The following TARBP1 variants were observed in gnomAD, a reference collection of about 807,000 sequenced individuals.
TARBP1 encodes the protein tRNA (guanosine(18)-2'-O)-methyltransferase TARBP1.
In TARBP1, 144 loss-of-function variants were observed where a neutral mutation model predicts 178.6. That is an observed-to-expected ratio of 0.81 (90% CI 0.70 to 0.93). The LOEUF is 0.93. Among genes scored for constraint, TARBP1 ranks in the 40% least tolerant of loss-of-function variants. The pLI, the probability that TARBP1 is intolerant of heterozygous loss-of-function variation, is 0.00. For missense variants in TARBP1, 2,067 were observed against 2,011.7 expected, an observed-to-expected ratio of 1.03 and a Z score of -0.53; for synonymous variants, 787 against 781.0, an observed-to-expected ratio of 1.01 and a Z score of -0.13.
At chr1:234,396,424 C>G (rs1659940654) in intron 26 of TARBP1, among the ~76,000 whole-genome samples, 1 of 152,152 alleles carries the variant, frequency 6.6e-6, no homozygotes, top group South Asian at 2.1e-4. Context: ...GGTCTCTGCT[C>G]AATGTCAACT....
In TARBP1 at chr1:234,433,579, A is replaced by G; in HGVS notation, c.2233-8T>C. 6.2e-7 allele frequency: 1 copy of G among 1,607,130 alleles called. No individual in the cohort carries two copies. The highest frequency in any genetic ancestry group is 8.5e-7 in the Non-Finnish European group (1 of 1,178,396). On this transcript the variant is annotated splice_polypyrimidine_tract_variant and splice_region_variant and intron_variant, in intron 13 of 29. Transcript: ENST00000040877. The stretch of plus-strand genomic sequence containing the variant: ...ACGATCCAGATCTGAAACCTAAGAC[A>G]AGGATTAAAACACTTAAGGGTACAA...
intron 25 of TARBP1, among the ~76,000 whole-genome samples, chr1:234,399,317 T>C (rs1227713122): frequency 6.6e-6 from 1 of 152,232 alleles, no homozygotes; most frequent in Non-Finnish European, 1.5e-5. Context: ...GGTTTTAGAA[T>C]GAATATGGTT....
chr1:234,391,433 G>T lies in TARBP1; in HGVS notation c.*144C>A. On this transcript the variant is annotated 3_prime_UTR_variant, in exon 30 of 30. Transcript: ENST00000040877. ...GGAAAATATATAGTAATATGTTTAAGGCACATGGCAAACTTTTGGCATTAA... is the reference window on the plus strand; with the variant it reads ...GGAAAATATATAGTAATATGTTTAATGCACATGGCAAACTTTTGGCATTAA... 1 of 779,824 alleles carries T rather than the reference G, an allele frequency of 1.3e-6. No individual in the cohort carries two copies. Among genetic ancestry groups the T allele is most frequent in the Non-Finnish European group, 2.0e-6 (1 of 511,388 alleles). The allele number at this position is 779,824 out of a possible 1,614,324, so 48.3% of individuals were successfully genotyped here. A position where few individuals can be genotyped will look rare whatever the true frequency, so the allele number is the denominator to read the frequency against.
In TARBP1 at chr1:234,391,760, G is replaced by T; in HGVS notation, c.4698-15C>A. ...CACGTTCATTTCTGAGGAAGAAAATGGAAGAAAGATTAGTTTTCCTGTAAC... is the reference window on the plus strand; with the variant it reads ...CACGTTCATTTCTGAGGAAGAAAATTGAAGAAAGATTAGTTTTCCTGTAAC... On this transcript the variant is annotated splice_polypyrimidine_tract_variant and intron_variant, in intron 29 of 29. Transcript: ENST00000040877. The T allele has an allele frequency of 6.2e-7, 1 of 1,607,870 alleles. No individual in the cohort carries two copies. The highest frequency in any genetic ancestry group is 1.1e-5 in the South Asian group (1 of 89,640).
At chr1:234,416,460 C>T (rs995833305) in intron 22 of TARBP1, among the ~76,000 whole-genome samples, 4 of 152,102 alleles carry the variant, frequency 2.6e-5, no homozygotes, top group Non-Finnish European at 5.9e-5. Context: ...CCCCACCTGG[C>T]TAATTTCTGT....
intron 22 of TARBP1, among the ~76,000 whole-genome samples, chr1:234,415,259 A>C (rs1240221836): frequency 6.6e-6 from 1 of 152,232 alleles, no homozygotes; most frequent in Non-Finnish European, 1.5e-5. Flanking sequence ...CCAAAGACTC[A>C]GTGGAAGAAT....
intron 6 of TARBP1, 76 bp downstream of exon 6, chr1:234,463,761 C>T (rs1572392647): frequency 1.4e-6 from 1 of 737,738 alleles, no homozygotes; most frequent in Non-Finnish European, 2.1e-6. Context: ...GTTGATGGTG[C>T]TTATAACCAA....
At chr1:234,401,066 T>C in intron 25 of TARBP1, 115 bp downstream of exon 25, 2 of 712,944 alleles carry the variant, frequency 2.8e-6, no homozygotes, top group Admixed American at 2.9e-5. Flanking sequence ...GTTAAGGTGA[T>C]GTTTGTAAGC....
At chr1:234,433,634 A>G in intron 13 of TARBP1, 63 bp from the exon 14 acceptor site, 1 of 1,489,568 alleles carries the variant, frequency 6.7e-7, no homozygotes, top group East Asian at 2.3e-5. Flanking sequence ...CAAAACTACA[A>G]GCCTTCAGGC....
intron 12 of TARBP1, among the ~76,000 whole-genome samples, chr1:234,441,935 T>C (rs1665639199): frequency 1.3e-5 from 2 of 152,196 alleles, no homozygotes; most frequent in Admixed American, 1.3e-4. Context: ...TCCATTCATC[T>C]ACCCATCTAC....
chr1:234,466,090 A>G (rs1017008324), intron 4 of TARBP1, among the ~76,000 whole-genome samples: 3 of 152,244 alleles, frequency 2.0e-5, no homozygotes, highest in East Asian at 1.9e-4. Flanking sequence ...TAAAGAGGAA[A>G]AAAATTATAC....
At chr1:234,430,749 A>T (rs1302358961) in intron 14 of TARBP1, among the ~76,000 whole-genome samples, 1 of 152,194 alleles carries the variant, frequency 6.6e-6, no homozygotes, top group African/African-American at 2.4e-5. Context: ...CAGGTTACAA[A>T]TAATTCCTTC....
At chr1:234,424,741 C>T (rs1329429401) in intron 20 of TARBP1, among the ~76,000 whole-genome samples, 1 of 152,138 alleles carries the variant, frequency 6.6e-6, no homozygotes, top group East Asian at 1.9e-4. Context: ...TTCTGACCAA[C>T]ATGGTGAAAC....
intron 1 of TARBP1, among the ~76,000 whole-genome samples, chr1:234,477,034 A>T (rs1191577223): frequency 6.6e-6 from 1 of 152,146 alleles, no homozygotes; most frequent in Non-Finnish European, 1.5e-5. Flanking sequence ...AAAAATACAA[A>T]ATTAGTGGGG....
chr1:234,400,706 T>C (rs1054904529), intron 25 of TARBP1: 2 of 152,334 alleles, frequency 1.3e-5, no homozygotes, highest in African/African-American at 2.4e-5. Flanking sequence ...CTTAAAATTA[T>C]ATAAGCACAT....
intron 12 of TARBP1, among the ~76,000 whole-genome samples, chr1:234,439,198 G>A (rs756435320): frequency 1.3e-5 from 2 of 152,158 alleles, no homozygotes; most frequent in Non-Finnish European, 2.9e-5. Context: ...GAGCAAAAGA[G>A]ACCTGTAAAC....
At chr1:234,431,448 A>G (rs1239905925) in intron 14 of TARBP1, among the ~76,000 whole-genome samples, 1 of 152,254 alleles carries the variant, frequency 6.6e-6, no homozygotes, top group Non-Finnish European at 1.5e-5. Context: ...TAGGTACTAG[A>G]CAGGATGCTG....
In TARBP1 at chr1:234,449,303, T is replaced by C. The variant is rs76191409; in HGVS notation, c.1862-724A>G. 3.3e-3 allele frequency among the ~76,000 whole-genome samples: 502 copies of C among 152,256 alleles called. 2 individuals are homozygous for C. The highest frequency in any genetic ancestry group is 0.011 in the African/African-American group (465 of 41,566). On this transcript the variant is annotated intron_variant, in intron 10 of 29. Transcript: ENST00000040877. ...TATATACAAAGAAGTGGAGGAAAAA[T>C]GTCTAAAATCAAAATTTATATTTTG...
chr1:234,441,970 A>G (rs1463510889), intron 12 of TARBP1, among the ~76,000 whole-genome samples: 1 of 152,198 alleles, frequency 6.6e-6, no homozygotes, highest in Non-Finnish European at 1.5e-5. Flanking sequence ...ATCACAGCCA[A>G]TTAATTTTTG....
Sources: gnomAD v4.1 joint callset for allele counts (sites outside exome capture counted in the v4.1 genomes callset) on GRCh38, gnomAD v4.1.1 for gene constraint, MANE v1.5 for transcripts, NCBI Gene and HGNC (gene_info 2026-07-23, HGNC 2026-07-21) for gene names.